The following HPCAL1 variants were observed in gnomAD, a reference collection of about 807,000 sequenced individuals.
HPCAL1 encodes hippocalcin like 1.
In HPCAL1, 8 loss-of-function variants were observed where a neutral mutation model predicts 17.1. The observed-to-expected ratio is 0.47, with a 90% CI of 0.27 to 0.84. The LOEUF (loss-of-function observed/expected upper bound fraction) is 0.84, where lower values mean the gene tolerates loss of function less well. Among genes scored for constraint, HPCAL1 ranks in the 40% least tolerant of loss-of-function variants. The pLI is 0.13. For synonymous variants in HPCAL1, 112 were observed against 111.4 expected, an observed-to-expected ratio of 1.01 and a Z score of -0.03; for missense variants, 165 against 271.1, an observed-to-expected ratio of 0.61 and a Z score of 2.75.
chr2:10,409,692 C>A (rs564615481), intron 2 of HPCAL1, among the ~76,000 whole-genome samples: 2 of 151,276 alleles, frequency 1.3e-5, no homozygotes, highest in Admixed American at 1.3e-4. Flanking sequence ...AGAACAAGCT[C>A]TCATCTCAAA....
At chr2:10,321,080 G>A (rs926815226) in intron 1 of HPCAL1, among the ~76,000 whole-genome samples, 2 of 152,180 alleles carry the variant, frequency 1.3e-5, no homozygotes, top group Admixed American at 6.5e-5. Flanking sequence ...TCTTCAGGCT[G>A]TACAGGAAGC....
At chr2:10,379,324 G>A (rs1170641309) in intron 1 of HPCAL1, among the ~76,000 whole-genome samples, 1 of 151,654 alleles carries the variant, frequency 6.6e-6, no homozygotes, top group Admixed American at 6.6e-5. Context: ...GATGAGCGAG[G>A]TGTTGCTTGT....
intron 1 of HPCAL1, among the ~76,000 whole-genome samples, chr2:10,349,763 G>A (rs774221687): frequency 1.1e-3 from 137 of 125,530 alleles, no homozygotes; most frequent in Admixed American, 2.1e-3. Context: ...TGAGCATTTC[G>A]TTTTGACATA....
chr2:10,395,250 T>C lies in HPCAL1; in HGVS notation c.-110-1585T>C, dbSNP rs1460542896. On this transcript the variant is annotated intron_variant, in intron 1 of 4. Coordinates refer to ENST00000307845, the MANE Select transcript of HPCAL1 (RefSeq NM_002149.4). The surrounding 1 kb of genome is among the most constrained non-coding windows in gnomAD (Gnocchi z 4.4). Reference sequence around the variant, plus strand: ...AGGTCTTGAATTCTAGCAGTGAGTTTACATTCCATAATTGGCCTACAAAAT... The same window carrying C: ...AGGTCTTGAATTCTAGCAGTGAGTTCACATTCCATAATTGGCCTACAAAAT... Among the ~76,000 whole-genome samples, 2 of 152,192 alleles carry C rather than the reference T, an allele frequency of 1.3e-5. No homozygotes were observed. Among genetic ancestry groups the C allele is most frequent in the Non-Finnish European group, 2.9e-5 (2 of 68,044 alleles).
intron 1 of HPCAL1, among the ~76,000 whole-genome samples, chr2:10,319,220 C>T (rs1403912148): frequency 6.6e-6 from 1 of 152,190 alleles, no homozygotes; most frequent in African/African-American, 2.4e-5. Context: ...GAGCCTTCTG[C>T]ACTTTTCCAT....
chr2:10,312,157 A>G (rs1663009365), intron 1 of HPCAL1, among the ~76,000 whole-genome samples: 1 of 150,742 alleles, frequency 6.6e-6, no homozygotes, highest in Non-Finnish European at 1.5e-5. Flanking sequence ...CATCATCATC[A>G]TCACTATCAT....
At chr2:10,314,496 G>A (rs12052519) in intron 1 of HPCAL1, among the ~76,000 whole-genome samples, 90,884 of 152,030 alleles carry the variant, frequency 0.6, 27,642 homozygotes, top group East Asian at 0.8. Context: ...TTCACTGTGG[G>A]AGCATTGAAG....
Position 10,394,590 on chromosome 2 carries a change from G to A in HPCAL1, c.-110-2245G>A, listed in dbSNP as rs559521327. 1.7e-4 allele frequency among the ~76,000 whole-genome samples: 26 copies of A among 152,248 alleles called. No individual in the cohort carries two copies. The highest frequency in any genetic ancestry group is 1.5e-3 in the South Asian group (7 of 4,820). ...TCGGTACACGTTTGTCAAAGCCCACGGAGTGGCCCACGCCAAGAGGGAACC... is the reference window on the plus strand; with the variant it reads ...TCGGTACACGTTTGTCAAAGCCCACAGAGTGGCCCACGCCAAGAGGGAACC... On this transcript the variant is annotated intron_variant, in intron 1 of 4. Transcript: ENST00000307845. This position sits in a 1 kb window ranked among gnomAD's most constrained non-coding sequence, Gnocchi z 5.0.
chr2:10,315,105 C>A (rs1325939890), intron 1 of HPCAL1, among the ~76,000 whole-genome samples: 2 of 152,050 alleles, frequency 1.3e-5, no homozygotes, highest in African/African-American at 2.4e-5. Context: ...TCCTGGCCAA[C>A]ACGGTGAAAC....
Position 10,310,221 on chromosome 2 carries a change from G to A in HPCAL1, c.-111+7044G>A, listed in dbSNP as rs1461183649. ...CTGGCTGGTGATGTTCTCTGAGTCTGTTTGGTCATGTGCAGAAAGGGGTTC... is the reference window on the plus strand; with the variant it reads ...CTGGCTGGTGATGTTCTCTGAGTCTATTTGGTCATGTGCAGAAAGGGGTTC... On this transcript the variant is annotated intron_variant, in intron 1 of 4. Coordinates refer to ENST00000307845, the MANE Select transcript of HPCAL1 (RefSeq NM_002149.4). The surrounding 1 kb of genome is among the most constrained non-coding windows in gnomAD (Gnocchi z 4.5). 6.6e-6 allele frequency among the ~76,000 whole-genome samples: 1 copy of A among 152,160 alleles called. No homozygotes were observed. The highest frequency in any genetic ancestry group is 1.5e-5 in the Non-Finnish European group (1 of 68,026).
At chr2:10,399,241 TCACCAC>T (rs1558517511) in intron 2 of HPCAL1, among the ~76,000 whole-genome samples, 5 of 12,048 alleles carry the variant, frequency 4.2e-4, no homozygotes, top group East Asian at 2.7e-3. Flanking sequence ...ACCACCACCA[TCACCAC>T]CACCACCACC....
chr2:10,370,094 G>A (rs548680842), intron 1 of HPCAL1, among the ~76,000 whole-genome samples: 5 of 152,326 alleles, frequency 3.3e-5, no homozygotes, highest in Non-Finnish European at 5.9e-5. Context: ...TGGAGTCTCC[G>A]CATTCCTTTG....
chr2:10,413,555 G>A (rs916269156), intron 2 of HPCAL1, among the ~76,000 whole-genome samples: 8 of 152,200 alleles, frequency 5.3e-5, no homozygotes, highest in African/African-American at 1.9e-4. Context: ...AGGCGCACAC[G>A]TCTGCCCTCT....
Position 10,365,772 on chromosome 2 carries a change from T to TA in HPCAL1, c.-110-31063_-110-31062insA, listed in dbSNP as rs1666808891. ...GATGAGGCTTGGAGAAGAGGGTGTG[T>TA]GAGGGGGTGCGGGTGGCCCTCCAGA... On this transcript the variant is annotated intron_variant, in intron 1 of 4. Coordinates refer to ENST00000307845, the MANE Select transcript of HPCAL1 (RefSeq NM_002149.4). The surrounding 1 kb of genome is among the most constrained non-coding windows in gnomAD (Gnocchi z 4.8). Among the ~76,000 whole-genome samples the TA allele has an allele frequency of 6.6e-6, 1 of 152,106 alleles. No homozygotes were observed. The highest frequency in any genetic ancestry group is 1.5e-5 in the Non-Finnish European group (1 of 68,002).
intron 1 of HPCAL1, among the ~76,000 whole-genome samples, chr2:10,315,866 G>T (rs375983993): frequency 2.6e-5 from 4 of 152,250 alleles, no homozygotes; most frequent in African/African-American, 9.6e-5. Flanking sequence ...TATTAGCTGG[G>T]CATGGTGGCT....
At chr2:10,422,136 A>G (rs1671101032) in intron 3 of HPCAL1, among the ~76,000 whole-genome samples, 2 of 152,108 alleles carry the variant, frequency 1.3e-5, no homozygotes, top group East Asian at 3.9e-4. Flanking sequence ...ACAGCCCCCA[A>G]ACCAAGTCCC....
At chr2:10,311,458 T>A (rs1430468536) in intron 1 of HPCAL1, among the ~76,000 whole-genome samples, 2 of 152,214 alleles carry the variant, frequency 1.3e-5, no homozygotes, top group African/African-American at 2.4e-5. Context: ...TCTGAAGACA[T>A]CCAGGGATAA....
intron 2 of HPCAL1, among the ~76,000 whole-genome samples, chr2:10,404,112 C>T (rs919255804): frequency 2.0e-5 from 3 of 152,146 alleles, no homozygotes; most frequent in African/African-American, 7.2e-5. Context: ...GGTCACCAGC[C>T]CAGAGGTTTG....
intron 1 of HPCAL1, among the ~76,000 whole-genome samples, chr2:10,339,284 C>G (rs1279020848): frequency 1.3e-5 from 2 of 151,546 alleles, no homozygotes; most frequent in African/African-American, 4.9e-5. Flanking sequence ...TCTGGAGTAG[C>G]TGGGATTACA....
Sources: allele counts gnomAD v4.1 joint callset (sites outside exome capture counted in the v4.1 genomes callset), GRCh38; gene constraint gnomAD v4.1.1; non-coding constraint Gnocchi (gnomAD v3.1); transcripts MANE v1.5; gene names NCBI Gene and HGNC (gene_info 2026-07-23, HGNC 2026-07-21).